KAZN: variants seen among roughly 807,000 people sequenced by gnomAD.
The protein encoded by KAZN is kazrin, periplakin interacting protein, also known as kazrin.
Under a neutral mutation model 87.4 loss-of-function variants are expected in KAZN, and 40 were observed. The ratio of observed to expected loss-of-function variants is 0.46; its 90% CI spans 0.36 to 0.60. KAZN has a LOEUF of 0.60. KAZN is among the 20% of genes least tolerant of loss of function. The pLI, the probability that KAZN is intolerant of heterozygous loss-of-function variation, is 0.00. For missense variants in KAZN, 898 were observed against 1,073.9 expected (o/e 0.84, Z 2.29); for synonymous variants, 466 against 458.3 (o/e 1.02, Z -0.22).
In KAZN at chr1:14,735,761, T is replaced by A. The variant is rs142401076; in HGVS notation, c.226+136538T>A. 4.5e-3 allele frequency among the ~76,000 whole-genome samples: 693 copies of A among 152,308 alleles called. 5 individuals are homozygous for A. Among genetic ancestry groups the A allele is most frequent in the African/African-American group, 0.015 (609 of 41,572 alleles). ...ACTCTTGCACGGCAAAGGAGAAATG[T>A]CCACGATAGTCCAAGAAGCGCCGTC... On this transcript the variant is annotated intron_variant, in intron 1 of 14. Coordinates refer to ENST00000376030, the MANE Select transcript of KAZN (RefSeq NM_201628.3). This position sits in a 1 kb window ranked among gnomAD's most constrained non-coding sequence, Gnocchi z 4.3.
chr1:14,852,431 A>T (rs1289124738), intron 1 of KAZN, among the ~76,000 whole-genome samples: 1 of 152,170 alleles, frequency 6.6e-6, no homozygotes, highest in Non-Finnish European at 1.5e-5. Context: ...ATGAGGAGGA[A>T]CCGGAGCCAA....
intron 1 of KAZN, among the ~76,000 whole-genome samples, chr1:14,666,671 G>A (rs1341097617): frequency 6.6e-6 from 1 of 152,124 alleles, no homozygotes; most frequent in Non-Finnish European, 1.5e-5. Flanking sequence ...TCCTTGGCTT[G>A]TAGCAACGTC....
In KAZN at chr1:14,948,639, G is replaced by A. The variant is rs552170466; in HGVS notation, c.227-12045G>A. Among the ~76,000 whole-genome samples the A allele has an allele frequency of 1.7e-4, 26 of 152,276 alleles. 1 individual carries two copies. The highest frequency in any genetic ancestry group is 4.3e-4 in the African/African-American group (18 of 41,528). ...TCATAGATGTCAGCCAGACAGAAACGTCTGCTGCCCAGTCCAGCGGGGGCT... is the reference window on the plus strand; with the variant it reads ...TCATAGATGTCAGCCAGACAGAAACATCTGCTGCCCAGTCCAGCGGGGGCT... On this transcript the variant is annotated intron_variant, in intron 1 of 14. Coordinates refer to ENST00000376030, the MANE Select transcript of KAZN (RefSeq NM_201628.3).
rs560135918 is a variant in KAZN at position 15,005,508 on chromosome 1, G to A, written c.419-29241G>A. Among the ~76,000 whole-genome samples the A allele has an allele frequency of 2.6e-5, 4 of 152,264 alleles. No homozygotes were observed. In the South Asian group the frequency reaches 8.3e-4, roughly 32 times the overall value. On this transcript the variant is annotated intron_variant, in intron 2 of 14. Coordinates refer to ENST00000376030, the MANE Select transcript of KAZN (RefSeq NM_201628.3). ...TTTAAATTTTAACCTAAAGGGGGCCGGGTGCGGTGGCTCACACCTATCATC... is the reference window on the plus strand; with the variant it reads ...TTTAAATTTTAACCTAAAGGGGGCCAGGTGCGGTGGCTCACACCTATCATC...
intron 1 of KAZN, among the ~76,000 whole-genome samples, chr1:14,736,304 T>TGTGTGTGTGTG (rs201679446): frequency 7.4e-6 from 1 of 134,494 alleles, no homozygotes; most frequent in Non-Finnish European, 1.5e-5. Context: ...TGTGTGTATA[T>TGTGTGTGTGTG]TTTTTTTTTT....
intron 1 of KAZN, among the ~76,000 whole-genome samples, chr1:14,077,248 G>A (rs917167157): frequency 2.0e-5 from 3 of 152,074 alleles, no homozygotes; most frequent in African/African-American, 4.8e-5. Context: ...CACTGTCACC[G>A]TCCATAGAGT....
Position 14,255,887 on chromosome 1 carries a change from A to C in KAZN, c.249+75295A>C, listed in dbSNP as rs141167125. Among the ~76,000 whole-genome samples the C allele has an allele frequency of 3.3e-5, 5 of 152,344 alleles. No homozygotes were observed. The East Asian group carries it at 9.6e-4, about 29-fold the overall frequency. Reference sequence around the variant, plus strand: ...AGGACTGGCTGCCTCCAAAGTGTGCACTGCTGTGTTATGCTGCCTGGTGAG... The same window carrying C: ...AGGACTGGCTGCCTCCAAAGTGTGCCCTGCTGTGTTATGCTGCCTGGTGAG... On this transcript the variant is annotated intron_variant, in intron 2 of 16. Transcript: ENST00000636203.
At chr1:14,124,062 A>G (rs983748410) in intron 1 of KAZN, among the ~76,000 whole-genome samples, 2 of 152,134 alleles carry the variant, frequency 1.3e-5, no homozygotes, top group African/African-American at 2.4e-5. Flanking sequence ...CATTTCCAAG[A>G]TGCATTTCAC....
intron 12 of KAZN, among the ~76,000 whole-genome samples, 200 bp downstream of exon 12, chr1:15,103,660 T>C (rs1230579347): frequency 6.6e-6 from 1 of 152,108 alleles, no homozygotes; most frequent in East Asian, 1.9e-4. Flanking sequence ...ATTACCTGCC[T>C]CCTGTTATTC....
intron 2 of KAZN, among the ~76,000 whole-genome samples, chr1:14,328,517 C>T (rs560337543): frequency 1.1e-4 from 17 of 152,120 alleles, no homozygotes; most frequent in African/African-American, 3.4e-4. Flanking sequence ...TCCTGGCTAA[C>T]ACAGTGAAAC....
chr1:14,514,961 T>G lies in KAZN; in HGVS notation c.250-84022T>G, dbSNP rs536836142. On this transcript the variant is annotated intron_variant, in intron 2 of 16. Coordinates refer to the KAZN transcript ENST00000636203. ...AAGAAACAGTGGCTGGGACTTTTGCTGATGTCATCATTCACATAGAGTATC... is the reference window on the plus strand; with the variant it reads ...AAGAAACAGTGGCTGGGACTTTTGCGGATGTCATCATTCACATAGAGTATC... Among the ~76,000 whole-genome samples, 12 of 152,276 alleles carry G rather than the reference T, an allele frequency of 7.9e-5. No individual in the cohort carries two copies. In the East Asian group the frequency reaches 2.3e-3, roughly 29 times the overall value.
chr1:15,014,499 T>C (rs1557717181), intron 2 of KAZN, among the ~76,000 whole-genome samples: 2 of 152,102 alleles, frequency 1.3e-5, no homozygotes, highest in Non-Finnish European at 2.9e-5. Context: ...GACCTAGTGG[T>C]CCCCAGATTA....
chr1:15,110,338 ATATG>A (rs1405095448), intron 13 of KAZN, among the ~76,000 whole-genome samples: 1 of 144,982 alleles, frequency 6.9e-6, no homozygotes, highest in South Asian at 2.2e-4. Flanking sequence ...GGCATATTGT[ATATG>A]TGTGTATGTT....
At chr1:15,078,993 A>G (rs1000313) in intron 8 of KAZN, among the ~76,000 whole-genome samples, 48,971 of 152,098 alleles carry the variant, frequency 0.32, 9,732 homozygotes, top group East Asian at 0.9. Context: ...CACTGGCTTA[A>G]GAAACTCCCG....
intron 1 of KAZN, among the ~76,000 whole-genome samples, chr1:13,933,990 C>G (rs1272980258): frequency 6.6e-6 from 1 of 152,176 alleles, no homozygotes; most frequent in African/African-American, 2.4e-5. Flanking sequence ...AGAAAGCCAG[C>G]TTGAAGTCAA....
chr1:14,213,651 G>A (rs1264341131), intron 2 of KAZN, among the ~76,000 whole-genome samples: 1 of 152,182 alleles, frequency 6.6e-6, no homozygotes, highest in East Asian at 1.9e-4. Flanking sequence ...AAGGACTTTG[G>A]CTTTTACTTT....
intron 1 of KAZN, among the ~76,000 whole-genome samples, chr1:14,768,949 T>G (rs1184999413): frequency 6.6e-6 from 1 of 152,258 alleles, no homozygotes; most frequent in Non-Finnish European, 1.5e-5. Flanking sequence ...TACCATCACA[T>G]TGGGTTGAAT....
intron 1 of KAZN, among the ~76,000 whole-genome samples, chr1:14,937,950 C>A (rs2101620478): frequency 6.6e-6 from 1 of 152,358 alleles, no homozygotes; most frequent in East Asian, 1.9e-4. Context: ...AACAGGGCAC[C>A]TTTGCCTTAC....
chr1:14,199,723 G>C (rs1646601511), intron 2 of KAZN, among the ~76,000 whole-genome samples: 1 of 152,178 alleles, frequency 6.6e-6, no homozygotes, highest in Non-Finnish European at 1.5e-5. Context: ...TGCTAGGAAA[G>C]GTTACCAAGA....
Sources: gnomAD v4.1 joint callset for allele counts (sites outside exome capture counted in the v4.1 genomes callset) on GRCh38, gnomAD v4.1.1 for gene constraint, Gnocchi (gnomAD v3.1) non-coding constraint, MANE v1.5 for transcripts, NCBI Gene and HGNC (gene_info 2026-07-23, HGNC 2026-07-21) for gene names.